Variants in GRK5 observed in about 807,000 individuals in gnomAD.
The protein encoded by GRK5 is G protein-coupled receptor kinase 5, also known as g protein-coupled receptor kinase GRK5.
Under a neutral mutation model 78.4 loss-of-function variants are expected in GRK5, and 40 were observed. The ratio of observed to expected loss-of-function variants is 0.51; its 90% CI spans 0.40 to 0.66. The LOEUF (loss-of-function observed/expected upper bound fraction) is 0.66. Ranked by LOEUF, GRK5 falls within the 30% of genes least tolerant of loss-of-function variation. The pLI is 0.00. For missense variants in GRK5, 598 were observed against 759.9 expected (o/e 0.79, Z 2.50); for synonymous variants, 289 against 296.8 (o/e 0.97, Z 0.27).
At position 119,267,922 on chromosome 10, in the gene GRK5, TGAG is replaced by T. The variant is rs767629934; in HGVS notation, c.53-58590_53-58588del. Among the ~76,000 whole-genome samples, 3 of 152,076 alleles carry T rather than the reference TGAG, an allele frequency of 2.0e-5. No individual in the cohort carries two copies. The highest frequency in any genetic ancestry group is 2.9e-5 in the Non-Finnish European group (2 of 68,014). On this transcript the variant is annotated intron_variant, in intron 1 of 15. Coordinates refer to ENST00000392870, the MANE Select transcript of GRK5 (RefSeq NM_005308.3). This position sits in a 1 kb window ranked among gnomAD's most constrained non-coding sequence, Gnocchi z 4.1. ...CTGCCTCATAGGAAATGGGGTCCCC[TGAG>T]GAGAAGGACAAAAGCAGACAATTCC...
chr10:119,359,121 C>T (rs1851316209), intron 2 of GRK5, among the ~76,000 whole-genome samples: 1 of 152,310 alleles, frequency 6.6e-6, no homozygotes, highest in Non-Finnish European at 1.5e-5. Flanking sequence ...TTTGGAGTCC[C>T]CTAGGTCACA....
At chr10:119,357,479 G>A (rs370287612) in intron 2 of GRK5, among the ~76,000 whole-genome samples, 35 of 152,314 alleles carry the variant, frequency 2.3e-4, no homozygotes, top group Admixed American at 1.2e-3. Context: ...GGTGGATATC[G>A]TTCCATCCTG....
At chr10:119,394,850 T>G (rs893573120) in intron 3 of GRK5, among the ~76,000 whole-genome samples, 1 of 151,064 alleles carries the variant, frequency 6.6e-6, no homozygotes, top group African/African-American at 2.4e-5. Flanking sequence ...CACGTGTGTG[T>G]GCACACATGT....
chr10:119,388,549 C>A (rs998018788), intron 3 of GRK5, among the ~76,000 whole-genome samples: 1 of 152,162 alleles, frequency 6.6e-6, no homozygotes, highest in African/African-American at 2.4e-5. Flanking sequence ...GTTGGCCAGG[C>A]TGGTCTTGAG....
chr10:119,380,566 A>G (rs1263056664), intron 2 of GRK5, among the ~76,000 whole-genome samples: 3 of 152,250 alleles, frequency 2.0e-5, no homozygotes, highest in Admixed American at 2.0e-4. Context: ...TGGCATGTCC[A>G]TACAGAAATC....
At chr10:119,337,689 A>G (rs1475517109) in intron 2 of GRK5, among the ~76,000 whole-genome samples, 1 of 151,740 alleles carries the variant, frequency 6.6e-6, no homozygotes, top group Non-Finnish European at 1.5e-5. Context: ...GCACGATCTC[A>G]GCTCACTGCA....
intron 1 of GRK5, among the ~76,000 whole-genome samples, chr10:119,263,079 C>A (rs1849438346): frequency 6.6e-6 from 1 of 152,100 alleles, no homozygotes; most frequent in Admixed American, 6.6e-5. Context: ...GCGATCTCAG[C>A]TCACTGCAAC....
intron 3 of GRK5, among the ~76,000 whole-genome samples, chr10:119,387,973 T>C (rs893705141): frequency 6.6e-6 from 1 of 150,694 alleles, no homozygotes; most frequent in Non-Finnish European, 1.5e-5. Context: ...TTCTAGGAGG[T>C]GGAATCTCAC....
chr10:119,228,998 G>A (rs1848784345), intron 1 of GRK5, among the ~76,000 whole-genome samples: 1 of 152,078 alleles, frequency 6.6e-6, no homozygotes, highest in South Asian at 2.1e-4. Flanking sequence ...TTGATGGACT[G>A]TAAATACACA....
At chr10:119,421,162 G>C (rs74157670) in intron 4 of GRK5, among the ~76,000 whole-genome samples, 1 of 152,224 alleles carries the variant, frequency 6.6e-6, no homozygotes, top group African/African-American at 2.4e-5. Context: ...CACCAGCTCC[G>C]TGCCAGGCCT....
intron 2 of GRK5, among the ~76,000 whole-genome samples, chr10:119,345,848 A>T (rs1449839459): frequency 2.8e-5 from 4 of 142,932 alleles, no homozygotes; most frequent in East Asian, 2.0e-4. Flanking sequence ...TTTTTTTTTT[A>T]AACCTCTCTG....
chr10:119,299,355 C>A (rs1236529115), intron 1 of GRK5, among the ~76,000 whole-genome samples: 1 of 151,820 alleles, frequency 6.6e-6, no homozygotes, highest in Non-Finnish European at 1.5e-5. Context: ...ATCGCTTAAA[C>A]CTGGGAGGCA....
Position 119,408,341 on chromosome 10 carries a change from C to CAAA in GRK5, c.339+11589_339+11591dup, listed in dbSNP as rs67973033. 6.3e-3 allele frequency among the ~76,000 whole-genome samples: 307 copies of CAAA among 48,430 alleles called. 6 individuals are homozygous for CAAA. The highest frequency in any genetic ancestry group is 0.031 in the Middle Eastern group (1 of 32). 31.8% of individuals were successfully genotyped at this position (48,430 alleles called of 152,430 possible). On this transcript the variant is annotated intron_variant, in intron 4 of 15. Coordinates refer to ENST00000392870, the MANE Select transcript of GRK5 (RefSeq NM_005308.3). Reference sequence around the variant, plus strand: ...TGGGTGACAGAGCAAAACCCTGTCTCAAAAAAAAAAAAAAAAAAAAAAGGC... The same window carrying CAAA: ...TGGGTGACAGAGCAAAACCCTGTCTCAAAAAAAAAAAAAAAAAAAAAAAAAGGC...
At chr10:119,392,346 C>T (rs1851899699) in intron 3 of GRK5, among the ~76,000 whole-genome samples, 1 of 152,250 alleles carries the variant, frequency 6.6e-6, no homozygotes. Flanking sequence ...TCAGTGGTGT[C>T]TTCCCTGTTG....
intron 1 of GRK5, among the ~76,000 whole-genome samples, chr10:119,319,384 G>A (rs950383392): frequency 1.3e-5 from 2 of 152,188 alleles, no homozygotes; most frequent in Admixed American, 6.5e-5. Context: ...GACTCCTTCC[G>A]ATCCGAGGCC....
At chr10:119,433,210 G>A (rs531714242) in intron 8 of GRK5, among the ~76,000 whole-genome samples, 1 of 152,320 alleles carries the variant, frequency 6.6e-6, no homozygotes, top group South Asian at 2.1e-4. Context: ...CAGTGCCATG[G>A]TATGTGGAGA....
At chr10:119,265,309 G>A (rs1004434292) in intron 1 of GRK5, among the ~76,000 whole-genome samples, 2 of 152,240 alleles carry the variant, frequency 1.3e-5, no homozygotes, top group African/African-American at 2.4e-5. Flanking sequence ...CCCCGCAGGT[G>A]AGTGGCAGAT....
intron 1 of GRK5, among the ~76,000 whole-genome samples, chr10:119,313,891 T>C (rs11198871): frequency 1 from 152,209 of 152,294 alleles, 76,062 homozygotes; most frequent in Non-Finnish European, 1. Context: ...TTTTTCTGCT[T>C]TGGAAACCCC....
intron 2 of GRK5, among the ~76,000 whole-genome samples, chr10:119,344,922 CT>C (rs1851058700): frequency 8.3e-5 from 12 of 144,618 alleles, no homozygotes; most frequent in African/African-American, 1.8e-4. Context: ...TCCTTCCTTC[CT>C]TCCTTCCTTC....
Sources: gnomAD v4.1 joint callset for allele counts (sites outside exome capture counted in the v4.1 genomes callset) on GRCh38, gnomAD v4.1.1 for gene constraint, Gnocchi (gnomAD v3.1) non-coding constraint, MANE v1.5 for transcripts, NCBI Gene and HGNC (gene_info 2026-07-23, HGNC 2026-07-21) for gene names.